Variants in HMCES observed in about 807,000 individuals in gnomAD.
HMCES encodes abasic site processing protein HMCES.
Under a neutral mutation model 35.1 loss-of-function variants are expected in HMCES, and 27 were observed. The observed-to-expected ratio is 0.77, with a 90% CI of 0.57 to 1.06. HMCES has a LOEUF of 1.06. Among genes scored for constraint, HMCES ranks in the 50% least tolerant of loss-of-function variants. HMCES has a pLI of 0.00. For missense variants in HMCES, 391 were observed against 430.4 expected, an observed-to-expected ratio of 0.91 and a Z score of 0.81; for synonymous variants, 130 against 154.7, an observed-to-expected ratio of 0.84 and a Z score of 1.18.
chr3:129,290,789 A>G lies in HMCES; in HGVS notation c.438A>G (p.Gln146=), dbSNP rs2071005338. 6.2e-7 allele frequency: 1 copy of G among 1,613,214 alleles called. No homozygotes were observed. The highest frequency in any genetic ancestry group is 8.5e-7 in the Non-Finnish European group (1 of 1,179,340). Residue 146 remains glutamine (Q), a synonymous_variant, in exon 4 of 7, where the codon CAA becomes CAG. Transcript: ENST00000383463. The part of the protein sequence containing the change: ...QRQPYFIYFP[Q]IKTEKSGSIG... ...AGCCATACTTCATCTATTTTCCTCA[A>G]ATCAAGACAGAGAAGGTATCATTAT...
intron 6 of HMCES, among the ~76,000 whole-genome samples, chr3:129,304,135 T>C (rs1471388804): frequency 6.6e-6 from 1 of 152,142 alleles, no homozygotes; most frequent in Non-Finnish European, 1.5e-5. Flanking sequence ...TGGGGTGTGA[T>C]GTAAAGGAAG....
intron 4 of HMCES, among the ~76,000 whole-genome samples, chr3:129,295,668 G>A (rs867209880): frequency 6.6e-6 from 1 of 151,932 alleles, no homozygotes; most frequent in Non-Finnish European, 1.5e-5. Context: ...ATTGTCTCTG[G>A]CTCTCATAGT....
Position 129,301,950 on chromosome 3 carries a change from G to C in HMCES, c.636G>C (p.Arg212Ser). 1 of 1,611,558 alleles carries C rather than the reference G, an allele frequency of 6.2e-7. No homozygotes were observed. The highest frequency in any genetic ancestry group is 8.5e-7 in the Non-Finnish European group (1 of 1,178,582). Residue 212 changes from arginine to serine, a missense_variant and splice_region_variant, in exon 6 of 7, where the codon AGG becomes AGC. Transcript: ENST00000383463. The part of the protein sequence containing the change: ...SCKGLSDIHH[R>S]MPAILDGEEA... Reference sequence around the variant, plus strand: ...CCATTGTCTTAACTTCCCTGGCCAGGATGCCTGCCATATTAGATGGAGAGG... The same window carrying C: ...CCATTGTCTTAACTTCCCTGGCCAGCATGCCTGCCATATTAGATGGAGAGG...
intron 5 of HMCES, among the ~76,000 whole-genome samples, chr3:129,301,101 A>G (rs978410943): frequency 6.6e-6 from 1 of 150,842 alleles, no homozygotes; most frequent in Non-Finnish European, 1.5e-5. Context: ...CTGAGGCAGA[A>G]GAATGGCATG....
chr3:129,293,561 CTTTTTTTTTTTTT>C (rs60989412), intron 4 of HMCES, among the ~76,000 whole-genome samples: 6 of 86,706 alleles, frequency 6.9e-5, no homozygotes, highest in Admixed American at 2.5e-4. Flanking sequence ...TACATTAATT[CTTTTTTTTTTTTT>C]TTTTTTTTTT....
rs558625375 is a variant in HMCES, at chr3:129,292,731, G to A, written c.453+1927G>A. Among the ~76,000 whole-genome samples, 3 of 152,064 alleles carry A rather than the reference G, an allele frequency of 2.0e-5. No homozygotes were observed. The East Asian group carries it at 5.9e-4, about 30-fold the overall frequency. ...AATCTCCTGACCTTGTGATCCACCC[G>A]CCTCGGCCTCCCAAAGTGCTGGGAT... On this transcript the variant is annotated intron_variant, in intron 4 of 6. Transcript: ENST00000383463.
chr3:129,292,202 G>A (rs10934877), intron 4 of HMCES, among the ~76,000 whole-genome samples: 6,108 of 152,182 alleles, frequency 0.04, 317 homozygotes, highest in East Asian at 0.11. Context: ...AGATTATTTA[G>A]TCTGACACTG....
At chr3:129,283,048 T>C (rs1940540960) in intron 2 of HMCES, among the ~76,000 whole-genome samples, 1 of 152,190 alleles carries the variant, frequency 6.6e-6, no homozygotes, top group South Asian at 2.1e-4. Context: ...GGAGCTATTC[T>C]GGGCGTTGTA....
At chr3:129,286,946 G>A (rs1940653514) in intron 2 of HMCES, among the ~76,000 whole-genome samples, 1 of 152,084 alleles carries the variant, frequency 6.6e-6, no homozygotes, top group South Asian at 2.1e-4. Flanking sequence ...CCATGCGTTG[G>A]GAGTCCCCAA....
intron 4 of HMCES, among the ~76,000 whole-genome samples, chr3:129,293,551 T>C (rs2071049883): frequency 6.8e-6 from 1 of 147,932 alleles, no homozygotes; most frequent in African/African-American, 2.5e-5. Flanking sequence ...TAGCTTAATA[T>C]ACATTAATTC....
intron 6 of HMCES, among the ~76,000 whole-genome samples, chr3:129,303,888 G>A (rs1455369211): frequency 2.6e-5 from 4 of 151,580 alleles, no homozygotes; most frequent in South Asian, 4.2e-4. Flanking sequence ...GACTACAAGC[G>A]TACACCACCA....
chr3:129,281,953 A>G (rs1008299000), intron 2 of HMCES, among the ~76,000 whole-genome samples: 3 of 151,706 alleles, frequency 2.0e-5, no homozygotes, highest in Non-Finnish European at 2.9e-5. Context: ...AAAAAATCAA[A>G]TAATGTTCTT....
chr3:129,303,929 G>T (rs2071203230), intron 6 of HMCES, among the ~76,000 whole-genome samples: 1 of 151,842 alleles, frequency 6.6e-6, no homozygotes, highest in Non-Finnish European at 1.5e-5. Flanking sequence ...ATTTTTTATA[G>T]AGATGGGGTC....
rs1337691238 is a variant in HMCES, at chr3:129,290,809, CATTA to C, written c.453+6_453+9del. On this transcript the variant is annotated splice_donor_region_variant and intron_variant, in intron 4 of 6. Transcript: ENST00000383463. ...CCTCAAATCAAGACAGAGAAGGTAT[CATTA>C]TCAGCATTCACAATATATATTTGGA... The C allele has an allele frequency of 6.2e-7, 1 of 1,610,434 alleles. No individual in the cohort carries two copies. The highest frequency in any genetic ancestry group is 8.5e-7 in the Non-Finnish European group (1 of 1,177,368).
Position 129,302,351 on chromosome 3 carries a change from A to G in HMCES, c.828+209A>G, listed in dbSNP as rs183751811. Among the ~76,000 whole-genome samples, 4 of 152,310 alleles carry G rather than the reference A, an allele frequency of 2.6e-5. No individual in the cohort carries two copies. The East Asian group carries it at 7.7e-4, about 29-fold the overall frequency. On this transcript the variant is annotated intron_variant, in intron 6 of 6. Coordinates refer to ENST00000383463, the MANE Select transcript of HMCES (RefSeq NM_020187.3). ...TCCCCAGGAGAAGAACTCTTTCAAA[A>G]TGTAAATGCTAGACCCTATCTAGAC...
chr3:129,299,147 C>CAATA (rs2071129940), intron 5 of HMCES, among the ~76,000 whole-genome samples: 1 of 152,138 alleles, frequency 6.6e-6, no homozygotes, highest in East Asian at 1.9e-4. Context: ...GATTCCATCT[C>CAATA]AATAAATACA....
intron 6 of HMCES, 64 bp downstream of exon 6, chr3:129,302,206 T>C: frequency 7.2e-7 from 1 of 1,387,814 alleles, no homozygotes; most frequent in Admixed American, 2.2e-5. Context: ...GTTCTCTTTC[T>C]TTCAGGATGT....
intron 6 of HMCES, among the ~76,000 whole-genome samples, chr3:129,303,044 T>TA (rs2071189545): frequency 1.3e-5 from 2 of 152,146 alleles, no homozygotes; most frequent in Non-Finnish European, 2.9e-5. Flanking sequence ...CTCCAGTCCT[T>TA]AGTCTCCTTC....
intron 2 of HMCES, among the ~76,000 whole-genome samples, chr3:129,286,183 T>G (rs1273637968): frequency 2.0e-5 from 3 of 152,266 alleles, no homozygotes; most frequent in Admixed American, 2.0e-4. Flanking sequence ...GTTTGAATGT[T>G]TGTGTCCTTG....
Sources: gnomAD v4.1 joint callset for allele counts (sites outside exome capture counted in the v4.1 genomes callset) on GRCh38, gnomAD v4.1.1 for gene constraint, MANE v1.5 for transcripts, NCBI Gene and HGNC (gene_info 2026-07-23, HGNC 2026-07-21) for gene names.